The following MICU3 variants were observed in gnomAD, a reference collection of about 807,000 sequenced individuals.
MICU3 encodes calcium uptake protein 3, mitochondrial.
In MICU3, 62 loss-of-function variants were observed where a neutral mutation model predicts 66.5. The observed-to-expected ratio is 0.93, with a 90% confidence interval of 0.76 to 1.15. The LOEUF is 1.15. Among genes scored for constraint, MICU3 ranks in the 50% most tolerant of loss-of-function variants. The pLI is 0.00. For synonymous variants in MICU3, 308 were observed against 240.7 expected, an observed-to-expected ratio of 1.28 and a Z score of -2.59; for missense variants, 779 against 664.4, an observed-to-expected ratio of 1.17 and a Z score of -1.90.
At chr8:17,052,413 A>G (rs183638413) in intron 1 of MICU3, among the ~76,000 whole-genome samples, 46 of 152,292 alleles carry the variant, frequency 3.0e-4, no homozygotes, top group Admixed American at 2.5e-3. Context: ...ATTATTAATT[A>G]CAGTCACCCT....
intron 14 of MICU3, among the ~76,000 whole-genome samples, chr8:17,119,586 C>A (rs1319511991): frequency 7.4e-6 from 1 of 135,022 alleles, no homozygotes; most frequent in African/African-American, 3.4e-5. Flanking sequence ...GAGGTGTTTC[C>A]CAAAGTGGTT....
At chr8:17,051,940 G>A (rs1296934436) in intron 1 of MICU3, among the ~76,000 whole-genome samples, 4 of 152,238 alleles carry the variant, frequency 2.6e-5, no homozygotes, top group South Asian at 2.1e-4. Context: ...AGCACCGTGC[G>A]TTATGCTGAA....
In MICU3 at chr8:17,027,456, G is replaced by T; in HGVS notation, c.177G>T (p.Arg59Ser). Residue 59 changes from arginine to serine, a missense_variant, in exon 1 of 15, where the codon AGG (arginine) becomes AGT (serine). Arg to Ser is a moderately radical substitution (Grantham distance 110). Transcript: ENST00000318063. ...EERAVAEAAW[R>S]RRRRWGELSV... is the part of the protein sequence containing the mutation. Reference sequence around the variant, plus strand: ...GGGCTGTGGCGGAGGCGGCATGGAGGCGGCGGCGGCGCTGGGGGGAGCTGA... The same window carrying T: ...GGGCTGTGGCGGAGGCGGCATGGAGTCGGCGGCGGCGCTGGGGGGAGCTGA... 5 of 1,296,602 alleles carry T rather than the reference G, an allele frequency of 3.9e-6. No homozygotes were observed. The highest frequency in any genetic ancestry group is 4.9e-6 in the Non-Finnish European group (5 of 1,026,932). The allele number at this position is 1,296,602 out of a possible 1,614,324, so 80.3% of individuals were successfully genotyped here.
At chr8:17,125,363 C>T (rs1803378897), downstream of MICU3, among the ~76,000 whole-genome samples, 1 of 151,782 alleles carries the variant, frequency 6.6e-6, no homozygotes, top group Admixed American at 6.6e-5. Flanking sequence ...TTTTCTTGTG[C>T]TCCCTTCATT....
intron 8 of MICU3, among the ~76,000 whole-genome samples, chr8:17,095,042 ATTATT>A (rs1800524499): frequency 6.6e-6 from 1 of 152,042 alleles, no homozygotes; most frequent in Non-Finnish European, 1.5e-5. Context: ...TTATTTGACT[ATTATT>A]TTAAGAGTAA....
intron 13 of MICU3, among the ~76,000 whole-genome samples, chr8:17,116,968 T>C (rs1263893934): frequency 1.3e-5 from 2 of 152,154 alleles, no homozygotes; most frequent in African/African-American, 2.4e-5. Flanking sequence ...CTTTATTTTA[T>C]TTTAATTTAA....
chr8:17,077,556 G>A (rs988434093), intron 3 of MICU3, among the ~76,000 whole-genome samples: 17 of 151,980 alleles, frequency 1.1e-4, no homozygotes, highest in African/African-American at 4.1e-4. Flanking sequence ...ATTTTAGTTA[G>A]CTCTAATTAA....
chr8:17,085,676 C>G (rs2150740295), intron 6 of MICU3, among the ~76,000 whole-genome samples: 1 of 152,062 alleles, frequency 6.6e-6, no homozygotes, highest in Middle Eastern at 3.4e-3. Flanking sequence ...TCCATAGGAA[C>G]TTCTCTTCCT....
chr8:17,118,602 A>C (rs941670585), intron 13 of MICU3, 105 bp from the exon 14 acceptor site: 2 of 677,178 alleles, frequency 3.0e-6, no homozygotes, highest in East Asian at 5.5e-5. Flanking sequence ...TTAACATTCT[A>C]CTCTCCACTT....
intron 11 of MICU3, among the ~76,000 whole-genome samples, chr8:17,112,013 G>A (rs7004047): frequency 0.64 from 97,202 of 151,960 alleles, 32,878 homozygotes; most frequent in African/African-American, 0.86. Context: ...CCATTTATAA[G>A]ACCATCAGAT....
At chr8:17,079,804 T>G (rs547118017) in intron 4 of MICU3, among the ~76,000 whole-genome samples, 1 of 152,244 alleles carries the variant, frequency 6.6e-6, no homozygotes, top group East Asian at 1.9e-4. Context: ...TAAAGACTAA[T>G]TTTAAAATTG....
At chr8:17,060,248 A>G (rs1278318370) in intron 1 of MICU3, among the ~76,000 whole-genome samples, 2 of 151,430 alleles carry the variant, frequency 1.3e-5, no homozygotes, top group Admixed American at 1.3e-4. Context: ...TAAGTAGACT[A>G]TTCTGGGATC....
At position 17,051,176 on chromosome 8, in the gene MICU3, C is replaced by T. The variant is rs1259940790; in HGVS notation, c.382-12908C>T. ...TCCCCACCTTATATTTTTCTGAAGT[C>T]AGCTACAGTATTAGTACCACATAGG... On this transcript the variant is annotated intron_variant, in intron 1 of 14. Coordinates refer to ENST00000318063, the MANE Select transcript of MICU3 (RefSeq NM_181723.3). Among the ~76,000 whole-genome samples the T allele has an allele frequency of 2.0e-5, 3 of 152,056 alleles. No individual in the cohort carries two copies. In the East Asian group the frequency reaches 5.8e-4, roughly 29 times the overall value.
intron 13 of MICU3, 42 bp from the exon 14 acceptor site, chr8:17,118,665 G>A: frequency 7.8e-7 from 1 of 1,283,634 alleles, no homozygotes; most frequent in South Asian, 1.3e-5. Flanking sequence ...CGCTGTATTT[G>A]TCTTTCTGTA....
At chr8:17,070,340 C>G (rs1402276313) in intron 3 of MICU3, among the ~76,000 whole-genome samples, 2 of 151,918 alleles carry the variant, frequency 1.3e-5, no homozygotes, top group Non-Finnish European at 2.9e-5. Context: ...AAATAAGTCT[C>G]AGAAACATGA....
intron 1 of MICU3, among the ~76,000 whole-genome samples, chr8:17,060,620 C>A (rs1416102842): frequency 6.6e-6 from 1 of 152,082 alleles, no homozygotes; most frequent in Non-Finnish European, 1.5e-5. Context: ...CCATTACTTA[C>A]ATTTAACCAG....
At position 17,116,546 on chromosome 8, in the gene MICU3, A is replaced by AGG; in HGVS notation, c.1470_1471insGG (p.Ser491GlyfsTer10). On this transcript the variant is annotated frameshift_variant, in exon 13 of 15. Coordinates refer to ENST00000318063, the MANE Select transcript of MICU3 (RefSeq NM_181723.3). LOFTEE classifies it high-confidence loss of function. Reference sequence around the variant, plus strand: ...TTGATGTTGACAAAGATGATCAATTAAGTTATAAAGAATTTATTGGAATTA... The same window carrying AGG: ...TTGATGTTGACAAAGATGATCAATTAGGAGTTATAAAGAATTTATTGGAATTA... The AGG allele has an allele frequency of 6.4e-7, 1 of 1,565,366 alleles. No homozygotes were observed.
chr8:17,111,326 T>G (rs73540826), intron 11 of MICU3, among the ~76,000 whole-genome samples: 3,284 of 152,144 alleles, frequency 0.022, 117 homozygotes, highest in African/African-American at 0.075. Context: ...ATTATTTATC[T>G]TTAATTTTTT....
intron 1 of MICU3, among the ~76,000 whole-genome samples, chr8:17,049,421 A>T (rs1815670069): frequency 6.6e-6 from 1 of 152,202 alleles, no homozygotes; most frequent in African/African-American, 2.4e-5. Context: ...ATAGTACATC[A>T]AGAGGTAGAG....
Sources: gnomAD v4.1 joint callset for allele counts (sites outside exome capture counted in the v4.1 genomes callset) on GRCh38, gnomAD v4.1.1 for gene constraint, MANE v1.5 for transcripts, NCBI Gene and HGNC (gene_info 2026-07-23, HGNC 2026-07-21) for gene names.